ACVR1: variants seen among roughly 807,000 people sequenced by gnomAD.
ACVR1 encodes activin A receptor type 1.
A neutral mutation model predicts 57.1 loss-of-function variants in ACVR1; 38 were observed. That is an observed-to-expected ratio of 0.67 (90% CI 0.51 to 0.87). ACVR1 has a LOEUF of 0.87. Among genes scored for constraint, ACVR1 ranks in the 40% least tolerant of loss-of-function variants. The pLI is 0.00. For missense variants in ACVR1, 463 were observed against 638.2 expected (o/e 0.73, Z 2.96); for synonymous variants, 212 against 228.1 (o/e 0.93, Z 0.63).
intron 9 of ACVR1, among the ~76,000 whole-genome samples, chr2:157,748,491 G>A (rs1685057065): frequency 6.6e-6 from 1 of 152,062 alleles, no homozygotes; most frequent in Admixed American, 6.6e-5. Flanking sequence ...GCAATTTCAG[G>A]CAAAGTTCAG....
intron 2 of ACVR1, among the ~76,000 whole-genome samples, chr2:157,802,491 A>G (rs1025774390): frequency 6.6e-6 from 1 of 152,074 alleles, no homozygotes; most frequent in Non-Finnish European, 1.5e-5. Flanking sequence ...GGCTCTCACC[A>G]TCATTCCATA....
At chr2:157,863,394 T>G (rs1284221786) in intron 1 of ACVR1, among the ~76,000 whole-genome samples, 1 of 124,582 alleles carries the variant, frequency 8.0e-6, no homozygotes, top group African/African-American at 2.7e-5. Flanking sequence ...TTGAATACAT[T>G]TGTATACTTA....
chr2:157,763,721 T>TA (rs1160426438), intron 8 of ACVR1, among the ~76,000 whole-genome samples: 1 of 152,184 alleles, frequency 6.6e-6, no homozygotes, highest in Non-Finnish European at 1.5e-5. Context: ...AATTAATCAA[T>TA]ATAATACTGA....
intron 2 of ACVR1, among the ~76,000 whole-genome samples, chr2:157,807,916 T>G (rs1175234968): frequency 1.4e-5 from 2 of 143,456 alleles, no homozygotes; most frequent in Non-Finnish European, 1.5e-5. Flanking sequence ...ATTTCTCTCT[T>G]TCTCTCTCTC....
intron 2 of ACVR1, among the ~76,000 whole-genome samples, chr2:157,803,753 T>A (rs1486802531): frequency 5.3e-5 from 8 of 152,154 alleles, no homozygotes; most frequent in Non-Finnish European, 1.2e-4. Flanking sequence ...CAGTATTTTT[T>A]AAATGTTTTT....
intron 2 of ACVR1, among the ~76,000 whole-genome samples, chr2:157,803,494 A>G (rs1687401678): frequency 6.6e-6 from 1 of 152,210 alleles, no homozygotes; most frequent in Non-Finnish European, 1.5e-5. Context: ...ATGTTCTGGT[A>G]TTTCCTGACC....
intron 1 of ACVR1, among the ~76,000 whole-genome samples, chr2:157,826,843 G>A (rs536107056): frequency 5.8e-5 from 7 of 121,068 alleles, no homozygotes; most frequent in Admixed American, 4.5e-4. Context: ...GGGGAGAGGG[G>A]AAAAGGAAAA....
At chr2:157,850,312 C>G (rs2105364177) in intron 1 of ACVR1, among the ~76,000 whole-genome samples, 1 of 151,904 alleles carries the variant, frequency 6.6e-6, no homozygotes, top group East Asian at 1.9e-4. Flanking sequence ...ATCATTTGAA[C>G]CCGGTAGGCA....
chr2:157,817,240 G>A (rs1687972081), intron 2 of ACVR1, among the ~76,000 whole-genome samples: 1 of 152,118 alleles, frequency 6.6e-6, no homozygotes, highest in Admixed American at 6.5e-5. Flanking sequence ...TGGGATTAGA[G>A]GCATGAGCCA....
chr2:157,864,302 C>G (rs529800573), intron 1 of ACVR1, among the ~76,000 whole-genome samples: 3 of 152,064 alleles, frequency 2.0e-5, no homozygotes, highest in Non-Finnish European at 2.9e-5. Flanking sequence ...GCCATGACCT[C>G]CCTGTTCAAG....
intron 1 of ACVR1, among the ~76,000 whole-genome samples, chr2:157,836,688 T>C (rs770676293): frequency 4.6e-5 from 7 of 152,114 alleles, no homozygotes; most frequent in African/African-American, 7.2e-5. Context: ...TTGTCCTCTT[T>C]AGCACTGAGT....
intron 5 of ACVR1, among the ~76,000 whole-genome samples, chr2:157,774,845 T>C (rs1208830425): frequency 6.6e-6 from 1 of 151,472 alleles, no homozygotes; most frequent in Non-Finnish European, 1.5e-5. Flanking sequence ...GCAGATATGA[T>C]CTCAAGGAAA....
chr2:157,819,230 T>C (rs948308538), intron 1 of ACVR1, among the ~76,000 whole-genome samples: 2 of 152,044 alleles, frequency 1.3e-5, no homozygotes, highest in African/African-American at 2.4e-5. Context: ...TGACCCTGCA[T>C]GTACTATTGT....
intron 9 of ACVR1, among the ~76,000 whole-genome samples, chr2:157,744,723 C>T (rs1377731541): frequency 6.6e-6 from 1 of 152,210 alleles, no homozygotes; most frequent in Non-Finnish European, 1.5e-5. Context: ...GGTTACTTCA[C>T]CTAACATACC....
chr2:157,755,810 G>A (rs55720816), intron 9 of ACVR1, among the ~76,000 whole-genome samples: 5,110 of 151,828 alleles, frequency 0.034, 176 homozygotes, highest in African/African-American at 0.089. Context: ...ACTAGAAAAA[G>A]CAATCCTAAA....
At chr2:157,824,579 G>A (rs1197612243) in intron 1 of ACVR1, among the ~76,000 whole-genome samples, 1 of 152,170 alleles carries the variant, frequency 6.6e-6, no homozygotes, top group Admixed American at 6.5e-5. Flanking sequence ...TCTTCCACTG[G>A]TGGTGACTTA....
intron 1 of ACVR1, among the ~76,000 whole-genome samples, chr2:157,836,859 G>C (rs1688800940): frequency 6.6e-6 from 1 of 152,142 alleles, no homozygotes; most frequent in African/African-American, 2.4e-5. Flanking sequence ...CCAGCATTCT[G>C]AAGGGCCTAG....
intron 1 of ACVR1, chr2:157,838,219 G>A (rs901400655): frequency 7.2e-5 from 11 of 152,090 alleles, no homozygotes; most frequent in Admixed American, 2.0e-4. Context: ...AACAACAAAC[G>A]AATTCCAACA....
intron 1 of ACVR1, among the ~76,000 whole-genome samples, chr2:157,831,456 A>G (rs933049442): frequency 4.6e-5 from 7 of 152,246 alleles, no homozygotes; most frequent in South Asian, 2.1e-4. Flanking sequence ...TGAGATGCCA[A>G]TGACTCTCCA....
Sources: allele counts gnomAD v4.1 joint callset (sites outside exome capture counted in the v4.1 genomes callset), GRCh38; gene constraint gnomAD v4.1.1; transcripts MANE v1.5; gene names NCBI Gene and HGNC (gene_info 2026-07-23, HGNC 2026-07-21).